CACNA1A: variants seen among roughly 807,000 people sequenced by gnomAD.
The protein encoded by CACNA1A is calcium voltage-gated channel subunit alpha1 A, also known as voltage-dependent P/Q-type calcium channel subunit alpha-1A.
In CACNA1A, 57 loss-of-function variants were observed where a neutral mutation model predicts 262.4. That is an observed-to-expected ratio of 0.22 (90% confidence interval 0.18 to 0.27). CACNA1A has a LOEUF of 0.27. Ranked by LOEUF, CACNA1A falls within the 10% of genes least tolerant of loss-of-function variation. CACNA1A has a pLI of 1.00. For synonymous variants in CACNA1A, 1,431 were observed against 1,419.3 expected, an observed-to-expected ratio of 1.01 and a Z score of -0.18; for missense variants, 2,526 against 3,562.8, an observed-to-expected ratio of 0.71 and a Z score of 7.41.
In CACNA1A at chr19:13,469,458, C is replaced by CTTTTTTTTTTTT. The variant is rs1568678224; in HGVS notation, c.294-14247_294-14246insAAAAAAAAAAAA. ...TTCCAGCATCCTTGTCTTGAACCAC[C>CTTTTTTTTTTTT]TCTTTTTTTTTTTTTTTTTTTTTTT... On this transcript the variant is annotated intron_variant, in intron 1 of 46. Transcript: ENST00000360228. Among the ~76,000 whole-genome samples the CTTTTTTTTTTTT allele has an allele frequency of 2.2e-5, 3 of 133,708 alleles. 1 individual carries two copies. Among genetic ancestry groups the CTTTTTTTTTTTT allele is most frequent in the African/African-American group, 5.8e-5 (2 of 34,644 alleles). The allele number at this position is 133,708 out of a possible 152,430, so 87.7% of individuals were successfully genotyped here.
chr19:13,377,405 C>T (rs1411877047), intron 3 of CACNA1A, among the ~76,000 whole-genome samples: 2 of 150,074 alleles, frequency 1.3e-5, no homozygotes, highest in Non-Finnish European at 3.0e-5. Context: ...GAGTCTCACT[C>T]TGTCGCTGCA....
intron 3 of CACNA1A, among the ~76,000 whole-genome samples, chr19:13,380,474 C>G (rs1461114068): frequency 6.7e-6 from 1 of 149,990 alleles, no homozygotes; most frequent in Admixed American, 6.7e-5. Context: ...GGCGAAACTC[C>G]ATCTCTACTA....
chr19:13,224,842 G>A (rs2055376493), intron 37 of CACNA1A, 70 bp from the exon 38 acceptor site: 7 of 1,126,562 alleles, frequency 6.2e-6, no homozygotes, highest in Non-Finnish European at 3.9e-6. Context: ...AGCCGCGCCC[G>A]CCCCTACCCA....
In CACNA1A at chr19:13,366,843, A is replaced by C. The variant is rs889843444; in HGVS notation, c.632-1374T>G. 3.9e-5 allele frequency among the ~76,000 whole-genome samples: 6 copies of C among 152,144 alleles called. No individual in the cohort carries two copies. In the East Asian group the frequency reaches 1.2e-3, roughly 29 times the overall value. The stretch of plus-strand genomic sequence containing the variant: ...GGGTAGGAAAGCGGTTGGCGGTCCC[A>C]ATTTCAACCCCAAGGAACCAGACTC... On this transcript the variant is annotated intron_variant, in intron 4 of 46. Coordinates refer to ENST00000360228, the MANE Select transcript of CACNA1A (RefSeq NM_001127222.2).
chr19:13,222,119 C>G (rs1195995089), intron 38 of CACNA1A, among the ~76,000 whole-genome samples: 1 of 152,052 alleles, frequency 6.6e-6, no homozygotes, highest in African/African-American at 2.4e-5. Flanking sequence ...GTTGACCAGG[C>G]TGGTCTTGAA....
At position 13,344,657 on chromosome 19, in the gene CACNA1A, G is replaced by A. The variant is rs574538971; in HGVS notation, c.979-8748C>T. On this transcript the variant is annotated intron_variant, in intron 6 of 46. Transcript: ENST00000360228. ...ATCCCAGTGTCCAGATCAGCACCAGGGACATAGTAGGTGCTCACTAAGCAT... is the reference window on the plus strand; with the variant it reads ...ATCCCAGTGTCCAGATCAGCACCAGAGACATAGTAGGTGCTCACTAAGCAT... Among the ~76,000 whole-genome samples, 30 of 152,214 alleles carry A rather than the reference G, an allele frequency of 2.0e-4. 1 individual carries two copies. In the East Asian group the frequency reaches 5.4e-3, roughly 27 times the overall value.
chr19:13,293,655 A>G (rs1267713757), intron 19 of CACNA1A, among the ~76,000 whole-genome samples: 1 of 147,092 alleles, frequency 6.8e-6, no homozygotes, highest in Non-Finnish European at 1.5e-5. Context: ...ATGGGGTTTC[A>G]CCATATTAGC....
rs1306752441 is a variant in CACNA1A, at chr19:13,331,297, T to G, written c.1256-964A>C. Reference sequence around the variant, plus strand: ...TGTCGCCTAGGCTGGAGTGCAGTGGTGTGATCTCGGCTCACCGCAACTTCC... The same window carrying G: ...TGTCGCCTAGGCTGGAGTGCAGTGGGGTGATCTCGGCTCACCGCAACTTCC... On this transcript the variant is annotated intron_variant, in intron 9 of 46. Transcript: ENST00000360228. Among the ~76,000 whole-genome samples, 8 of 152,250 alleles carry G rather than the reference T, an allele frequency of 5.3e-5. No individual in the cohort carries two copies. In the South Asian group the frequency reaches 8.3e-4, roughly 16 times the overall value.
chr19:13,414,104 G>C (rs1276339852), intron 3 of CACNA1A, among the ~76,000 whole-genome samples: 1 of 151,746 alleles, frequency 6.6e-6, no homozygotes, highest in Non-Finnish European at 1.5e-5. Context: ...CCCGTCTGTA[G>C]TCCCAGCTAC....
In CACNA1A at chr19:13,207,348, C is replaced by T; in HGVS notation, c.7486G>A (p.Glu2496Lys). Residue 2496 changes from glutamate to lysine, a missense_variant, in exon 47 of 47, where the codon GAA becomes AAA. Glu to Lys is a moderately conservative substitution (Grantham distance 56). This residue lies in a region of CACNA1A where 929 missense variants were observed against 868.1 expected (regional missense o/e 1.07). Coordinates refer to ENST00000360228, the MANE Select transcript of CACNA1A (RefSeq NM_001127222.2). This position sits in a 1 kb window ranked among gnomAD's most constrained non-coding sequence, Gnocchi z 5.7. ...TCATCGTCACTCTCGCTGTAGGGTT[C>T]GTGCAGGCCCTTCCTGGAGCCCGGC... Reference protein sequence around the residue: ...RGPGSRKGLHEPYSESDDDWC With the variant: ...RGPGSRKGLHKPYSESDDDWC 2 of 1,559,998 alleles carry T rather than the reference C, an allele frequency of 1.3e-6. No individual in the cohort carries two copies. The highest frequency in any genetic ancestry group is 1.2e-5 in the South Asian group (1 of 86,716).
intron 3 of CACNA1A, among the ~76,000 whole-genome samples, chr19:13,378,276 T>C (rs763029628): frequency 6.6e-6 from 1 of 152,202 alleles, no homozygotes; most frequent in Non-Finnish European, 1.5e-5. Context: ...AGATGGATTC[T>C]ACTCCTGGTG....
intron 24 of CACNA1A, 182 bp from the exon 25 acceptor site, chr19:13,263,015 G>A (rs1364288986): frequency 6.7e-6 from 4 of 596,878 alleles, no homozygotes; most frequent in African/African-American, 3.7e-5. Flanking sequence ...GCTTGGGCTC[G>A]GGAGCCAGTA....
At chr19:13,395,602 ACT>A (rs962590239) in intron 3 of CACNA1A, among the ~76,000 whole-genome samples, 4 of 148,698 alleles carry the variant, frequency 2.7e-5, no homozygotes, top group South Asian at 2.1e-4. Context: ...ACAGAATCAG[ACT>A]CTGTCTCAAA....
intron 37 of CACNA1A, chr19:13,226,497 A>G (rs1387251297): frequency 6.6e-6 from 1 of 152,306 alleles, no homozygotes; most frequent in African/African-American, 2.4e-5. Flanking sequence ...GGAGAATAGG[A>G]TGATGGGGTA....
chr19:13,214,159 T>C lies in CACNA1A; in HGVS notation c.5940+74A>G, dbSNP rs539575637. ...CCCTGGGGCTCAGCCACCCTCATAT[T>C]CCAGTTGGTTCCCGTGGTGACATGC... is the stretch of plus-strand genomic sequence containing the variant. On this transcript the variant is annotated intron_variant, in intron 40 of 46. Transcript: ENST00000360228. The surrounding 1 kb of genome is among the most constrained non-coding windows in gnomAD (Gnocchi z 4.1). 17 of 1,239,460 alleles carry C rather than the reference T, an allele frequency of 1.4e-5. No homozygotes were observed. The African/African-American group carries it at 2.2e-4, about 16-fold the overall frequency. The allele number at this position is 1,239,460 out of a possible 1,614,324, so 76.8% of individuals were successfully genotyped here. A position where few individuals can be genotyped will look rare whatever the true frequency, so the allele number is the denominator to read the frequency against.
chr19:13,284,491 G>C (rs2057359227), intron 21 of CACNA1A: 1 of 152,192 alleles, frequency 6.6e-6, no homozygotes, highest in Admixed American at 6.6e-5. Context: ...ATATCCCTGG[G>C]AGACATTCAA....
chr19:13,311,614 G>T (rs2058035437), intron 12 of CACNA1A, among the ~76,000 whole-genome samples: 1 of 152,184 alleles, frequency 6.6e-6, no homozygotes, highest in Non-Finnish European at 1.5e-5. Context: ...AAGGCGGGTG[G>T]ATCACGAGGT....
intron 3 of CACNA1A, among the ~76,000 whole-genome samples, chr19:13,406,025 A>C (rs1225879997): frequency 6.6e-6 from 1 of 152,086 alleles, no homozygotes; most frequent in Non-Finnish European, 1.5e-5. Flanking sequence ...TTTATGGAGA[A>C]CAGAGTCTGG....
intron 25 of CACNA1A, chr19:13,262,239 AG>A (rs2056750467): frequency 6.4e-6 from 1 of 156,944 alleles, no homozygotes; most frequent in Non-Finnish European, 1.4e-5. Flanking sequence ...GGGGACCCCC[AG>A]GTGAAGCATA....
Sources: gnomAD v4.1 joint callset for allele counts (sites outside exome capture counted in the v4.1 genomes callset) on GRCh38, gnomAD v4.1.1 for gene constraint, gnomAD v4.1.1 regional missense constraint, Gnocchi (gnomAD v3.1) non-coding constraint, MANE v1.5 for transcripts, NCBI Gene and HGNC (gene_info 2026-07-23, HGNC 2026-07-21) for gene names.